The following PRICKLE2 variants were observed in gnomAD, a reference collection of about 807,000 sequenced individuals.
PRICKLE2 encodes the protein prickle planar cell polarity protein 2.
A neutral mutation model predicts 81.4 loss-of-function variants in PRICKLE2; 21 were observed. The observed-to-expected ratio is 0.26, with a 90% CI of 0.18 to 0.37. The LOEUF is 0.37. Among genes scored for constraint, PRICKLE2 ranks in the 10% least tolerant of loss-of-function variants. The pLI, the probability that PRICKLE2 is intolerant of heterozygous loss-of-function variation, is 1.00. For synonymous variants in PRICKLE2, 456 were observed against 421.5 expected (o/e 1.08, Z -1.00); for missense variants, 940 against 1,109.0 (o/e 0.85, Z 2.16).
intron 2 of PRICKLE2, among the ~76,000 whole-genome samples, chr3:64,267,022 G>T (rs76507629): frequency 2.6e-5 from 4 of 151,760 alleles, no homozygotes; most frequent in Admixed American, 6.6e-5. Flanking sequence ...ACAGATGGGT[G>T]GGGGGAGCTG....
intron 2 of PRICKLE2, among the ~76,000 whole-genome samples, chr3:64,231,349 C>T (rs2079097731): frequency 6.6e-6 from 1 of 152,166 alleles, no homozygotes; most frequent in African/African-American, 2.4e-5. Flanking sequence ...GTTAAACTGA[C>T]ATGATGTGCT....
At chr3:64,114,099 G>C (rs905517249) in intron 7 of PRICKLE2, among the ~76,000 whole-genome samples, 2 of 152,048 alleles carry the variant, frequency 1.3e-5, no homozygotes, top group Non-Finnish European at 2.9e-5. Context: ...GCAGTTGGGA[G>C]CTGGGTGTTG....
At chr3:64,200,219 T>C (rs1253174043) in intron 1 of PRICKLE2, 8 of 152,248 alleles carry the variant, frequency 5.3e-5, no homozygotes, top group Non-Finnish European at 1.2e-4. Context: ...TGCAATCATA[T>C]AATATGTGGT....
At chr3:64,113,015 C>A (rs1423319195) in intron 7 of PRICKLE2, among the ~76,000 whole-genome samples, 8 of 152,122 alleles carry the variant, frequency 5.3e-5, no homozygotes, top group Non-Finnish European at 1.0e-4. Context: ...GCAGGACTCA[C>A]TTTTGAACAA....
chr3:64,263,319 T>C (rs2079644227), intron 2 of PRICKLE2, among the ~76,000 whole-genome samples: 1 of 152,180 alleles, frequency 6.6e-6, no homozygotes, highest in East Asian at 1.9e-4. Context: ...ATTTTACAGA[T>C]AATGAAGCTG....
chr3:64,116,422 G>GA lies in PRICKLE2; in HGVS notation c.1661-16498dup, dbSNP rs571212924. Among the ~76,000 whole-genome samples the GA allele has an allele frequency of 3.1e-3, 467 of 151,744 alleles. 1 individual carries two copies. The highest frequency in any genetic ancestry group is 0.011 in the African/African-American group (446 of 41,428). The stretch of plus-strand genomic sequence containing the variant: ...AATGAATCCAGGAGCTGGTTTTCTT[G>GA]AAAAAAATAATAAAATAGATAGACC... On this transcript the variant is annotated intron_variant, in intron 7 of 7. Transcript: ENST00000638394.
At chr3:64,202,811 A>G (rs1191247547) in intron 1 of PRICKLE2, among the ~76,000 whole-genome samples, 1 of 152,166 alleles carries the variant, frequency 6.6e-6, no homozygotes, top group Admixed American at 6.5e-5. Context: ...AATGTTCAAC[A>G]GAAGTAGCAA....
At chr3:64,143,953 T>G (rs188941679) in intron 7 of PRICKLE2, among the ~76,000 whole-genome samples, 104 of 151,728 alleles carry the variant, frequency 6.9e-4, no homozygotes, top group African/African-American at 2.5e-3. Flanking sequence ...AGGCCTCATT[T>G]TTTTTTTTTT....
At chr3:64,264,718 C>G (rs1228316450) in intron 2 of PRICKLE2, among the ~76,000 whole-genome samples, 1 of 152,112 alleles carries the variant, frequency 6.6e-6, no homozygotes, top group Admixed American at 6.5e-5. Context: ...TGCAGAGTAA[C>G]CTTTTGCAAA....
chr3:64,210,883 T>G (rs1224252860), intron 1 of PRICKLE2, among the ~76,000 whole-genome samples: 1 of 152,132 alleles, frequency 6.6e-6, no homozygotes, highest in Non-Finnish European at 1.5e-5. Context: ...TTGGAAGGTA[T>G]CTGAATCTTG....
At chr3:64,176,138 A>C (rs2078019007) in intron 2 of PRICKLE2, among the ~76,000 whole-genome samples, 1 of 152,106 alleles carries the variant, frequency 6.6e-6, no homozygotes, top group Non-Finnish European at 1.5e-5. Context: ...AGAAGTACTA[A>C]CCTCCTATTT....
intron 2 of PRICKLE2, among the ~76,000 whole-genome samples, chr3:64,188,027 G>A (rs1209803132): frequency 6.6e-6 from 1 of 152,190 alleles, no homozygotes; most frequent in Non-Finnish European, 1.5e-5. Flanking sequence ...GATATCCAGG[G>A]CATGCCAGTC....
In PRICKLE2 at chr3:64,147,121, T is replaced by C; in HGVS notation, c.1369A>G (p.Met457Val). 2 of 1,614,180 alleles carry C rather than the reference T, an allele frequency of 1.2e-6. No homozygotes were observed. The highest frequency in any genetic ancestry group is 2.2e-5 in the South Asian group (2 of 91,084). Residue 457 changes from methionine to valine, a missense_variant, in exon 7 of 8, where the codon ATG (methionine) becomes GTG (valine). By Grantham distance (21) the Met-to-Val change is conservative (BLOSUM62 1). Transcript: ENST00000638394. This position sits in a 1 kb window ranked among gnomAD's most constrained non-coding sequence, Gnocchi z 5.0. The part of the protein sequence containing the change: ...SNPKRSSSLA[M>V]TGHAGSFIKE... Reference sequence around the variant, plus strand: ...ATGAAGCTGCCAGCATGTCCTGTCATGGCCAGTGACGAGCTCCTTTTGGGG... The same window carrying C: ...ATGAAGCTGCCAGCATGTCCTGTCACGGCCAGTGACGAGCTCCTTTTGGGG...
chr3:64,135,697 CACA>C (rs2077267142), intron 7 of PRICKLE2, among the ~76,000 whole-genome samples: 1 of 506 alleles, frequency 2.0e-3, no homozygotes, highest in Non-Finnish European at 0.019. Context: ...TCACAGATCA[CACA>C]CACACACACA....
At chr3:64,168,812 C>T (rs1201017794) in intron 2 of PRICKLE2, among the ~76,000 whole-genome samples, 1 of 152,194 alleles carries the variant, frequency 6.6e-6, no homozygotes, top group African/African-American at 2.4e-5. Context: ...TGGCTGACCA[C>T]AGAAACGATG....
Position 64,093,821 on chromosome 3 carries a change from C to T in PRICKLE2, c.*5230G>A, listed in dbSNP as rs1241712957. ...TTGAAATGCTCAAAGGCAGAGACCA[C>T]CCCTAAAATCTGGAAAGTGAGGGAG... is the stretch of plus-strand genomic sequence containing the variant. On this transcript the variant is annotated 3_prime_UTR_variant, in exon 8 of 8. Transcript: ENST00000638394. 6.6e-6 allele frequency: 1 copy of T among 152,218 alleles called. No homozygotes were observed. Among genetic ancestry groups the T allele is most frequent in the Non-Finnish European group, 1.5e-5 (1 of 68,042 alleles). The allele number at this position is 152,218 out of a possible 1,614,324, so 9.4% of individuals were successfully genotyped here. A position where few individuals can be genotyped will look rare whatever the true frequency, so the allele number is the denominator to read the frequency against.
upstream of PRICKLE2, among the ~76,000 whole-genome samples, chr3:64,228,810 T>A (rs1302744478): frequency 6.6e-6 from 1 of 152,150 alleles, no homozygotes; most frequent in African/African-American, 2.4e-5. Flanking sequence ...CCTTCAGAAC[T>A]TTCTGTTTAG....
chr3:64,190,517 C>T (rs2078313792), intron 2 of PRICKLE2, among the ~76,000 whole-genome samples: 1 of 152,034 alleles, frequency 6.6e-6, no homozygotes, highest in South Asian at 2.1e-4. Flanking sequence ...CTGTTTTGTC[C>T]CCAGCGCCCA....
At position 64,099,985 on chromosome 3, in the gene PRICKLE2, T is replaced by C; in HGVS notation, c.1661-60A>G. 1 of 1,547,022 alleles carries C rather than the reference T, an allele frequency of 6.5e-7. No individual in the cohort carries two copies. Among genetic ancestry groups the C allele is most frequent in the Non-Finnish European group, 8.9e-7 (1 of 1,121,540 alleles). ...ACAGATGTGCAGCAATGGGTATCAC[T>C]GTCACTGCTGGTCATCTATCTAGGG... On this transcript the variant is annotated intron_variant, in intron 7 of 7. Transcript: ENST00000638394. The surrounding 1 kb of genome is among the most constrained non-coding windows in gnomAD (Gnocchi z 4.3).
Sources: gnomAD v4.1 joint callset for allele counts (sites outside exome capture counted in the v4.1 genomes callset) on GRCh38, gnomAD v4.1.1 for gene constraint, Gnocchi (gnomAD v3.1) non-coding constraint, MANE v1.5 for transcripts, NCBI Gene and HGNC (gene_info 2026-07-23, HGNC 2026-07-21) for gene names.